Variants in ATF6 observed in about 807,000 individuals in gnomAD.
ATF6 encodes activating transcription factor 6, also known as cyclic AMP-dependent transcription factor ATF-6 alpha.
Under a neutral mutation model 83.6 loss-of-function variants are expected in ATF6, and 53 were observed. The observed-to-expected ratio is 0.63, with a 90% CI of 0.51 to 0.80. The LOEUF is 0.80. ATF6 is among the 30% of genes least tolerant of loss of function. ATF6 has a pLI of 0.00. For missense variants in ATF6, 744 were observed against 797.9 expected, an observed-to-expected ratio of 0.93 and a Z score of 0.81; for synonymous variants, 288 against 285.8, an observed-to-expected ratio of 1.01 and a Z score of -0.08.
intron 14 of ATF6, among the ~76,000 whole-genome samples, chr1:161,883,718 T>G (rs1350293618): frequency 6.6e-6 from 1 of 152,020 alleles, no homozygotes; most frequent in Non-Finnish European, 1.5e-5. Flanking sequence ...TCATATAGAT[T>G]AAAAAATTCT....
chr1:161,787,766 AT>A (rs1684777582), intron 4 of ATF6, among the ~76,000 whole-genome samples: 1 of 152,184 alleles, frequency 6.6e-6, no homozygotes. Context: ...ATCCAATTTT[AT>A]GTTTTTCCAA....
rs778741081 is a variant in ATF6, at chr1:161,766,367, G to A, written c.7G>A (p.Glu3Lys). The A allele has an allele frequency of 1.2e-6, 2 of 1,612,774 alleles. No homozygotes were observed. Among genetic ancestry groups the A allele is most frequent in the South Asian group, 2.2e-5 (2 of 90,742 alleles). MG[E>K]PAGVAGTMES... is the part of the protein sequence containing the mutation. ...GGGAGAAGGAACTTGTGAAATGGGG[G>A]AGCCGGCTGGGGTTGCCGGCACCAT... Residue 3 changes from glutamate (E) to lysine (K), a missense_variant, in exon 1 of 16, where the codon GAG (glutamate) becomes AAG (lysine). Glu to Lys is a moderately conservative substitution (Grantham distance 56). Coordinates refer to ENST00000367942, the MANE Select transcript of ATF6 (RefSeq NM_007348.4).
chr1:161,917,451 C>T lies in ATF6; in HGVS notation c.1804+5071C>T, dbSNP rs970198227. ...TTTTTTTTTTTTGAAGGCAGAGTCT[C>T]GCTCTGTCGCCTGGGTTGGAATGCA... is the stretch of plus-strand genomic sequence containing the variant. On this transcript the variant is annotated intron_variant, in intron 15 of 15. Transcript: ENST00000367942. Among the ~76,000 whole-genome samples, 59 of 150,714 alleles carry T rather than the reference C, an allele frequency of 3.9e-4. 2 individuals carry two copies. Among genetic ancestry groups the T allele is most frequent in the East Asian group, 3.9e-4 (2 of 5,152 alleles).
At chr1:161,886,759 G>C (rs1237106732) in intron 14 of ATF6, among the ~76,000 whole-genome samples, 1 of 152,200 alleles carries the variant, frequency 6.6e-6, no homozygotes, top group African/African-American at 2.4e-5. Flanking sequence ...GCACAGAGAG[G>C]TTACATAACT....
At chr1:161,853,854 A>T (rs1242989887) in intron 12 of ATF6, among the ~76,000 whole-genome samples, 1 of 152,212 alleles carries the variant, frequency 6.6e-6, no homozygotes, top group Non-Finnish European at 1.5e-5. Context: ...GTCATTCATC[A>T]AATATTTGTT....
At chr1:161,891,250 A>T (rs573209850) in intron 14 of ATF6, 2 of 152,510 alleles carry the variant, frequency 1.3e-5, no homozygotes, top group African/African-American at 4.8e-5. Flanking sequence ...CTGCGGAGCA[A>T]CCAGCATCTG....
At chr1:161,834,593 G>A (rs575310437) in intron 9 of ATF6, among the ~76,000 whole-genome samples, 2 of 140,410 alleles carry the variant, frequency 1.4e-5, no homozygotes, top group Non-Finnish European at 3.0e-5. Context: ...CATGGACACA[G>A]AAAGGGGAAC....
At chr1:161,947,636 T>A (rs953720526) in intron 15 of ATF6, among the ~76,000 whole-genome samples, 8 of 152,058 alleles carry the variant, frequency 5.3e-5, no homozygotes, top group African/African-American at 1.9e-4. Flanking sequence ...TCTCAATAAT[T>A]TCTGAAAAAA....
At chr1:161,943,577 C>G (rs1688693840) in intron 15 of ATF6, among the ~76,000 whole-genome samples, 1 of 152,158 alleles carries the variant, frequency 6.6e-6, no homozygotes, top group African/African-American at 2.4e-5. Flanking sequence ...TTCAGTCACA[C>G]TGGTCACCTT....
At chr1:161,770,456 G>A (rs1430496810) in intron 1 of ATF6, among the ~76,000 whole-genome samples, 2 of 152,172 alleles carry the variant, frequency 1.3e-5, no homozygotes. Context: ...GCACCTTCAG[G>A]TTCTGGTTAG....
chr1:161,853,274 C>CCAA lies in ATF6; in HGVS notation c.1485_1487dup (p.Thr495_Lys496insAsn). ...GTTCATAGACATGAAGTAGAAAGGA[C>CCAA]CAAGTCAAGAAGAATGACAAATAAT... On this transcript the variant is annotated inframe_insertion, in exon 12 of 16. Transcript: ENST00000367942. The CCAA allele has an allele frequency of 6.2e-7, 1 of 1,613,832 alleles. No homozygotes were observed. The highest frequency in any genetic ancestry group is 8.5e-7 in the Non-Finnish European group (1 of 1,179,754).
chr1:161,815,340 C>T (rs1685589918), intron 7 of ATF6, among the ~76,000 whole-genome samples: 1 of 151,482 alleles, frequency 6.6e-6, no homozygotes, highest in Non-Finnish European at 1.5e-5. Flanking sequence ...TACAATTGTG[C>T]ACCACGATGC....
At chr1:161,920,290 C>CTTTTTTT (rs1571237665) in intron 15 of ATF6, among the ~76,000 whole-genome samples, 9 of 25,156 alleles carry the variant, frequency 3.6e-4, no homozygotes, top group East Asian at 2.2e-3. Context: ...CTCTCTCTCT[C>CTTTTTTT]TCTCTTTTTT....
At chr1:161,919,206 T>C (rs1012819754) in intron 15 of ATF6, among the ~76,000 whole-genome samples, 1 of 152,248 alleles carries the variant, frequency 6.6e-6, no homozygotes, top group Non-Finnish European at 1.5e-5. Flanking sequence ...TAAGTCTTTC[T>C]TTGTCTGAGG....
intron 15 of ATF6, among the ~76,000 whole-genome samples, chr1:161,941,717 T>C (rs560407126): frequency 1.3e-5 from 2 of 152,300 alleles, no homozygotes; most frequent in East Asian, 1.9e-4. Context: ...AGAAGTACTA[T>C]GTTATAAGAA....
Position 161,885,851 on chromosome 1 carries a change from A to G in ATF6, c.1719+22539A>G, listed in dbSNP as rs1687407423. Among the ~76,000 whole-genome samples the G allele has an allele frequency of 2.0e-5, 3 of 152,204 alleles. No homozygotes were observed. The South Asian group carries it at 6.2e-4, about 31-fold the overall frequency. ...AAGTGACTTGTAAATCCAAAATTTC[A>G]TACTGGGATAGGAACTATAAAAGAG... On this transcript the variant is annotated intron_variant, in intron 14 of 15. Transcript: ENST00000367942.
chr1:161,790,293 A>C (rs532498831), intron 4 of ATF6, among the ~76,000 whole-genome samples: 1 of 152,244 alleles, frequency 6.6e-6, no homozygotes, highest in Admixed American at 6.5e-5. Flanking sequence ...TTTTTATATT[A>C]TAATCTTATA....
Position 161,792,109 on chromosome 1 carries a change from C to G in ATF6, c.485-15C>G. ...GCTTTCACATTGACTTGTGGTTTGT[C>G]TGGTTTTTCTCCAGAAAATGGACTG... is the stretch of plus-strand genomic sequence containing the variant. On this transcript the variant is annotated splice_polypyrimidine_tract_variant and intron_variant, in intron 5 of 15. Transcript: ENST00000367942. The G allele has an allele frequency of 6.2e-7, 1 of 1,612,248 alleles. No individual in the cohort carries two copies. The highest frequency in any genetic ancestry group is 1.7e-5 in the Admixed American group (1 of 59,980).
chr1:161,957,591 G>T (rs562307631), intron 15 of ATF6, among the ~76,000 whole-genome samples: 1 of 152,232 alleles, frequency 6.6e-6, no homozygotes, highest in South Asian at 2.1e-4. Flanking sequence ...ATCCTCTTAA[G>T]AAGTAGGAAT....
Sources: allele counts gnomAD v4.1 joint callset (sites outside exome capture counted in the v4.1 genomes callset), GRCh38; gene constraint gnomAD v4.1.1; transcripts MANE v1.5; gene names NCBI Gene and HGNC (gene_info 2026-07-23, HGNC 2026-07-21).